The following NLK variants were observed in gnomAD, a reference collection of about 807,000 sequenced individuals.
NLK encodes serine/threonine-protein kinase NLK.
In NLK, 11 loss-of-function variants were observed where a neutral mutation model predicts 59.0. That is an observed-to-expected ratio of 0.19 (90% CI 0.12 to 0.31). NLK has a LOEUF of 0.31. Among genes scored for constraint, NLK ranks in the 10% least tolerant of loss-of-function variants. The pLI is 1.00. For missense variants in NLK, 410 were observed against 661.1 expected (o/e 0.62, Z 4.16); for synonymous variants, 235 against 235.9 (o/e 1.00, Z 0.03).
intron 1 of NLK, among the ~76,000 whole-genome samples, chr17:28,067,186 A>T (rs79292524): frequency 2.0e-5 from 3 of 152,228 alleles, no homozygotes; most frequent in African/African-American, 7.2e-5. Flanking sequence ...CAGGTCATGA[A>T]GAATTCTGCG....
chr17:28,119,049 A>G (rs1368167701), intron 1 of NLK, among the ~76,000 whole-genome samples: 1 of 152,206 alleles, frequency 6.6e-6, no homozygotes, highest in Non-Finnish European at 1.5e-5. Flanking sequence ...AATGTTGTTC[A>G]TTATCTCTAC....
intron 1 of NLK, among the ~76,000 whole-genome samples, chr17:28,104,078 G>T (rs1904991963): frequency 6.6e-6 from 1 of 152,124 alleles, no homozygotes. Context: ...TTGAGATGTG[G>T]TCTTGGAGTA....
At chr17:28,132,348 T>C (rs753406551) in intron 2 of NLK, among the ~76,000 whole-genome samples, 4 of 152,152 alleles carry the variant, frequency 2.6e-5, no homozygotes, top group Non-Finnish European at 2.9e-5. Context: ...AAATAGGGTG[T>C]TTATTTCAAA....
At chr17:28,059,038 A>G (rs986196099) in intron 1 of NLK, among the ~76,000 whole-genome samples, 2 of 152,096 alleles carry the variant, frequency 1.3e-5, no homozygotes, top group Admixed American at 6.6e-5. Flanking sequence ...AGGTGGGAGC[A>G]TGGCTTGAGG....
intron 2 of NLK, among the ~76,000 whole-genome samples, chr17:28,122,996 T>C (rs1906131744): frequency 6.6e-6 from 1 of 152,214 alleles, no homozygotes; most frequent in African/African-American, 2.4e-5. Flanking sequence ...TGCTTTGCTT[T>C]CCTTTTATAT....
intron 3 of NLK, among the ~76,000 whole-genome samples, chr17:28,150,225 C>T (rs986257660): frequency 6.6e-6 from 1 of 152,174 alleles, no homozygotes; most frequent in Non-Finnish European, 1.5e-5. Context: ...ATAGTAGCTT[C>T]AAGTAAACAT....
At chr17:28,152,711 C>CCT (rs1907531566) in intron 3 of NLK, among the ~76,000 whole-genome samples, 1 of 152,002 alleles carries the variant, frequency 6.6e-6, no homozygotes, top group Admixed American at 6.6e-5. Flanking sequence ...ACAGCCTCGA[C>CCT]CTCCTGGGCT....
At chr17:28,121,249 A>G (rs889994823) in intron 1 of NLK, among the ~76,000 whole-genome samples, 1 of 151,746 alleles carries the variant, frequency 6.6e-6, no homozygotes, top group Admixed American at 6.6e-5. Flanking sequence ...TTTAGGAGGA[A>G]TAAATACTCA....
At chr17:28,152,728 ATCCT>A (rs1469230375) in intron 3 of NLK, among the ~76,000 whole-genome samples, 10 of 151,868 alleles carry the variant, frequency 6.6e-5, no homozygotes, top group Non-Finnish European at 1.5e-4. Flanking sequence ...GGCTCAAGTG[ATCCT>A]TCCACCTCAG....
At chr17:28,141,271 G>A (rs1366973682) in intron 3 of NLK, among the ~76,000 whole-genome samples, 1 of 152,106 alleles carries the variant, frequency 6.6e-6, no homozygotes, top group Non-Finnish European at 1.5e-5. Flanking sequence ...AATTCTTCTT[G>A]TAGATTTTTG....
At position 28,150,651 on chromosome 17, in the gene NLK, C is replaced by T. The variant is rs35745706; in HGVS notation, c.645-10509C>T. 6.2e-3 allele frequency among the ~76,000 whole-genome samples: 951 copies of T among 152,252 alleles called. 11 individuals are homozygous for T. The highest frequency in any genetic ancestry group is 0.022 in the African/African-American group (917 of 41,544). ...AGACATCAGAGCTACCTCCTTCCCC[C>T]GCCCCCACTAAAACACTTGCATCAT... On this transcript the variant is annotated intron_variant, in intron 3 of 10. Coordinates refer to ENST00000407008, the MANE Select transcript of NLK (RefSeq NM_016231.5).
chr17:28,199,665 CAAAAAAAAAAAA>C (rs1303411168), downstream of NLK, among the ~76,000 whole-genome samples: 78 of 33,590 alleles, frequency 2.3e-3, 1 homozygote, highest in African/African-American at 8.6e-3. Flanking sequence ...GACTCTGTCT[CAAAAAAAAAAAA>C]AAAAAAACAA....
At chr17:28,052,339 T>TA (rs908845621) in intron 1 of NLK, among the ~76,000 whole-genome samples, 2 of 152,214 alleles carry the variant, frequency 1.3e-5, no homozygotes, top group African/African-American at 4.8e-5. Context: ...AGCCAGTGCT[T>TA]ACATTAATTT....
intron 6 of NLK, among the ~76,000 whole-genome samples, chr17:28,170,593 T>C (rs1908421679): frequency 6.6e-6 from 1 of 152,242 alleles, no homozygotes; most frequent in Non-Finnish European, 1.5e-5. Flanking sequence ...ATATTCACTT[T>C]TCAATTTCTT....
intron 2 of NLK, among the ~76,000 whole-genome samples, chr17:28,128,958 G>A (rs186779206): frequency 2.4e-3 from 361 of 152,264 alleles, no homozygotes; most frequent in African/African-American, 8.2e-3. Flanking sequence ...TTCAATAATA[G>A]CACAGTACAC....
At chr17:28,188,817 T>G (rs1909210371) in intron 8 of NLK, among the ~76,000 whole-genome samples, 2 of 152,200 alleles carry the variant, frequency 1.3e-5, no homozygotes, top group African/African-American at 4.8e-5. Context: ...ATTTATTTAG[T>G]CCATTTAGTC....
chr17:28,143,156 G>C (rs1214248232), intron 3 of NLK, among the ~76,000 whole-genome samples: 1 of 150,444 alleles, frequency 6.6e-6, no homozygotes, highest in African/African-American at 2.5e-5. Context: ...CAATTCTCCT[G>C]CCTCAACCTC....
chr17:28,167,574 G>T (rs1287941561), intron 5 of NLK, among the ~76,000 whole-genome samples: 1 of 151,908 alleles, frequency 6.6e-6, no homozygotes, highest in African/African-American at 2.4e-5. Flanking sequence ...ATTTGGCCAG[G>T]TGCAGTAGCT....
intron 2 of NLK, among the ~76,000 whole-genome samples, chr17:28,128,961 C>T (rs1183081189): frequency 1.3e-5 from 2 of 152,182 alleles, no homozygotes; most frequent in African/African-American, 4.8e-5. Context: ...AATAATAGCA[C>T]AGTACACAAC....
Sources: allele counts gnomAD v4.1 joint callset (sites outside exome capture counted in the v4.1 genomes callset), GRCh38; gene constraint gnomAD v4.1.1; transcripts MANE v1.5; gene names NCBI Gene and HGNC (gene_info 2026-07-23, HGNC 2026-07-21).